The following GRIN2D variants were observed in gnomAD, a reference collection of about 807,000 sequenced individuals.
The protein encoded by GRIN2D is glutamate receptor ionotropic, NMDA 2D.
GRIN2D carries 37 observed loss-of-function variants against 103.2 expected under a neutral mutation model. That is an observed-to-expected ratio of 0.36 (90% CI 0.28 to 0.47). GRIN2D has a LOEUF of 0.47. Ranked by LOEUF, GRIN2D falls within the 20% of genes least tolerant of loss-of-function variation. GRIN2D has a pLI of 1.00. For missense variants in GRIN2D, 1,557 were observed against 1,910.6 expected (o/e 0.81, Z 3.45); for synonymous variants, 845 against 885.6 (o/e 0.95, Z 0.81).
intron 9 of GRIN2D, 110 bp from the exon 10 acceptor site, chr19:48,419,475 T>C (rs1970989669): frequency 1.4e-6 from 2 of 1,382,152 alleles, no homozygotes; most frequent in Non-Finnish European, 9.9e-7. Context: ...TCTCGGGAGG[T>C]GCCAGATGCC....
At position 48,414,601 on chromosome 19, in the gene GRIN2D, C is replaced by T; in HGVS notation, c.1412+17C>T. The T allele has an allele frequency of 6.5e-7, 1 of 1,548,136 alleles. No homozygotes were observed. Among genetic ancestry groups the T allele is most frequent in the Non-Finnish European group, 8.7e-7 (1 of 1,145,510 alleles). ...AACCCACAGGTGACAGCTCGGGATC[C>T]AGGAGTTCCGGCTCCAAAACCCGCC... is the stretch of plus-strand genomic sequence containing the variant. On this transcript the variant is annotated intron_variant, in intron 6 of 13. Transcript: ENST00000263269. The surrounding 1 kb of genome is among the most constrained non-coding windows in gnomAD (Gnocchi z 4.6).
intron 11 of GRIN2D, among the ~76,000 whole-genome samples, chr19:48,423,015 A>G (rs866199872): frequency 6.6e-6 from 1 of 152,098 alleles, no homozygotes; most frequent in Non-Finnish European, 1.5e-5. Flanking sequence ...GTTTGAGAAC[A>G]GCCTGGCCAA....
chr19:48,423,443 G>A (rs535160433), intron 11 of GRIN2D, among the ~76,000 whole-genome samples: 117 of 152,250 alleles, frequency 7.7e-4, no homozygotes, highest in Middle Eastern at 3.4e-3. Context: ...GATCTCTTCA[G>A]AAAGTGATGG....
chr19:48,429,886 G>A (rs780445045), intron 11 of GRIN2D, among the ~76,000 whole-genome samples: 3 of 151,866 alleles, frequency 2.0e-5, no homozygotes, highest in Admixed American at 2.0e-4. Context: ...GAAAAAAATG[G>A]CACCCTCCAT....
rs1419066518 is a variant in GRIN2D, at chr19:48,442,294, T to G, written c.2585T>G (p.Val862Gly). ...GTGGCCATGGGCCTGTCCCTGCTGGTCTTCGCCTGGGAGCACCTGGTGTAC... is the reference window on the plus strand; with the variant it reads ...GTGGCCATGGGCCTGTCCCTGCTGGGCTTCGCCTGGGAGCACCTGGTGTAC... ...LLVAMGLSLLVFAWEHLVYWR... is the reference protein window; with the variant it reads ...LLVAMGLSLLGFAWEHLVYWR... The change falls in exon 13 of 14, where the codon GTC becomes GGC. Residue 862 changes from valine to glycine, a missense_variant. Val to Gly is a moderately radical substitution (Grantham distance 109). Transcript: ENST00000263269. The surrounding 1 kb of genome is among the most constrained non-coding windows in gnomAD (Gnocchi z 7.2). 6.2e-7 allele frequency: 1 copy of G among 1,613,984 alleles called. No homozygotes were observed. The highest frequency in any genetic ancestry group is 8.5e-7 in the Non-Finnish European group (1 of 1,180,016).
rs1600997117 is a variant in GRIN2D, at chr19:48,442,477, G to T, written c.2673+95G>T. On this transcript the variant is annotated intron_variant, in intron 13 of 13. Coordinates refer to ENST00000263269, the MANE Select transcript of GRIN2D (RefSeq NM_000836.4). This position sits in a 1 kb window ranked among gnomAD's most constrained non-coding sequence, Gnocchi z 7.2. ...GACAAGGAGATGTGGGTCGAGATGTGGATAGTGGGGAAGAGAGCGGGAAAC... is the reference window on the plus strand; with the variant it reads ...GACAAGGAGATGTGGGTCGAGATGTTGATAGTGGGGAAGAGAGCGGGAAAC... 2.0e-6 allele frequency: 3 copies of T among 1,527,126 alleles called. No individual in the cohort carries two copies. Among genetic ancestry groups the T allele is most frequent in the Admixed American group, 3.8e-5 (2 of 53,290 alleles). 94.6% of individuals were successfully genotyped at this position (1,527,126 alleles called of 1,614,324 possible).
Position 48,414,737 on chromosome 19 carries a change from C to A in GRIN2D, c.1413-127C>A. The A allele has an allele frequency of 7.7e-7, 1 of 1,298,960 alleles. No homozygotes were observed. The highest frequency in any genetic ancestry group is 1.1e-6 in the Non-Finnish European group (1 of 935,922). 80.5% of individuals were successfully genotyped at this position (1,298,960 alleles called of 1,614,324 possible). On this transcript the variant is annotated intron_variant, in intron 6 of 13. Transcript: ENST00000263269. This position sits in a 1 kb window ranked among gnomAD's most constrained non-coding sequence, Gnocchi z 4.6. ...AGGCAAACCTCAGAATTCTTTGAGC[C>A]TGAGTTTCCCCTGAAAGCGCTAACC...
chr19:48,420,833 T>TA (rs1185542052), intron 10 of GRIN2D, among the ~76,000 whole-genome samples: 2 of 151,806 alleles, frequency 1.3e-5, no homozygotes, highest in African/African-American at 2.4e-5. Context: ...AGACTCTGCC[T>TA]AAAAAAAAGC....
At position 48,398,349 on chromosome 19, in the gene GRIN2D, C is replaced by T; in HGVS notation, c.-26-18C>T. 9.4e-7 allele frequency: 1 copy of T among 1,063,726 alleles called. No homozygotes were observed. The allele number at this position is 1,063,726 out of a possible 1,614,324, so 65.9% of individuals were successfully genotyped here. ...GTGCCTCCCTCTCCTCCCCGTCTCT[C>T]CCGGCCCGGGCGCTCAGAGGCCGCC... On this transcript the variant is annotated intron_variant, in intron 2 of 13. Coordinates refer to ENST00000263269, the MANE Select transcript of GRIN2D (RefSeq NM_000836.4).
intron 11 of GRIN2D, 54 bp from the exon 12 acceptor site, chr19:48,441,715 C>T (rs1023986110): frequency 1.3e-5 from 19 of 1,452,222 alleles, no homozygotes; most frequent in Non-Finnish European, 1.6e-5. Context: ...CCAGGCCTGG[C>T]GGCCAGGGCA....
intron 4 of GRIN2D, among the ~76,000 whole-genome samples, 161 bp from the exon 5 acceptor site, chr19:48,413,830 C>G (rs1363292388): frequency 6.6e-6 from 1 of 151,978 alleles, no homozygotes; most frequent in African/African-American, 2.4e-5. Context: ...GGGTGCTGAG[C>G]AGGGAAGGGG....
At chr19:48,396,504 G>A (rs1970642981) in intron 2 of GRIN2D, among the ~76,000 whole-genome samples, 1 of 151,818 alleles carries the variant, frequency 6.6e-6, no homozygotes, top group African/African-American at 2.4e-5. Flanking sequence ...GGGAGCGTGA[G>A]TGTTAACCCC....
chr19:48,396,840 C>T (rs139882957), intron 2 of GRIN2D, among the ~76,000 whole-genome samples: 3 of 152,154 alleles, frequency 2.0e-5, no homozygotes, highest in Non-Finnish European at 2.9e-5. Flanking sequence ...AGGAGCATGA[C>T]AGCCAGGAGA....
intron 10 of GRIN2D, 115 bp downstream of exon 10, chr19:48,419,929 G>C (rs1485090294): frequency 4.5e-6 from 1 of 224,498 alleles, no homozygotes; most frequent in Non-Finnish European, 8.8e-6. Context: ...GAGGGGTGGG[G>C]GGAGGGCGGG....
chr19:48,443,232 G>A lies in GRIN2D; in HGVS notation c.3306G>A (p.Pro1102=). 2 of 1,222,946 alleles carry A rather than the reference G, an allele frequency of 1.6e-6. No homozygotes were observed. Among genetic ancestry groups the A allele is most frequent in the South Asian group, 1.4e-5 (1 of 73,948 alleles). The allele number at this position is 1,222,946 out of a possible 1,614,324, so 75.8% of individuals were successfully genotyped here. ...CCCCGTGCCGCGCCGCGCCGCCCCC[G>A]TGCCCTTACCTCGATCTCGAGCCGT... ...APPPCRAAPP[P]CPYLDLEPSP... is the part of the protein sequence containing the mutation. Residue 1102 remains proline (P), a synonymous_variant, in exon 14 of 14, where the codon CCG becomes CCA. Coordinates refer to ENST00000263269, the MANE Select transcript of GRIN2D (RefSeq NM_000836.4). The surrounding 1 kb of genome is among the most constrained non-coding windows in gnomAD (Gnocchi z 8.9).
chr19:48,402,641 C>T (rs921689287), intron 3 of GRIN2D, among the ~76,000 whole-genome samples: 7 of 141,924 alleles, frequency 4.9e-5, no homozygotes, highest in Non-Finnish European at 7.5e-5. Context: ...GGCGTGAACC[C>T]GGGAAGCGGA....
rs77698773 is a variant in GRIN2D at position 48,404,896 on chromosome 19, G to A, written c.628G>A (p.Gly210Ser). 1.9e-6 allele frequency: 3 copies of A among 1,614,138 alleles called. No homozygotes were observed. The highest frequency in any genetic ancestry group is 1.1e-5 in the South Asian group (1 of 91,088). The change falls in exon 4 of 14, where the codon GGT (glycine) becomes AGT (serine). Residue 210 changes from glycine (G) to serine (S), a missense_variant. This residue lies in a region of GRIN2D where 490 missense variants were observed against 601.1 expected (regional missense o/e 0.82). Transcript: ENST00000263269. Reference protein sequence around the residue: ...FLSYIEVLTDGSLVGWEHRGA... With the variant: ...FLSYIEVLTDSSLVGWEHRGA... ...GTCCTACATTGAGGTGCTGACTGAC[G>A]GTAGTCTGGTGGGCTGGGAGCACCG...
intron 4 of GRIN2D, among the ~76,000 whole-genome samples, chr19:48,409,700 T>G (rs977145733): frequency 1.3e-5 from 2 of 152,102 alleles, no homozygotes; most frequent in Non-Finnish European, 2.9e-5. Context: ...GGAAGGAAGG[T>G]ATGAGTAGCG....
intron 11 of GRIN2D, among the ~76,000 whole-genome samples, chr19:48,426,072 T>C (rs1260177923): frequency 6.6e-6 from 1 of 152,196 alleles, no homozygotes; most frequent in Non-Finnish European, 1.5e-5. Flanking sequence ...TGTTCCTTCA[T>C]TGCTGAATAC....
Sources: gnomAD v4.1 joint callset for allele counts (sites outside exome capture counted in the v4.1 genomes callset) on GRCh38, gnomAD v4.1.1 for gene constraint, gnomAD v4.1.1 regional missense constraint, Gnocchi (gnomAD v3.1) non-coding constraint, MANE v1.5 for transcripts, NCBI Gene and HGNC (gene_info 2026-07-23, HGNC 2026-07-21) for gene names.